The following PPM1H variants were observed in gnomAD, a reference collection of about 807,000 sequenced individuals.
PPM1H encodes the protein protein phosphatase, Mg2+/Mn2+ dependent 1H, also known as protein phosphatase 1H.
PPM1H carries 27 observed loss-of-function variants against 54.9 expected under a neutral mutation model. The observed-to-expected ratio is 0.49, with a 90% CI of 0.36 to 0.68. The LOEUF (loss-of-function observed/expected upper bound fraction) is 0.68. PPM1H is among the 30% of genes least tolerant of loss of function. The pLI, the probability that PPM1H is intolerant of heterozygous loss-of-function variation, is 0.00. For missense variants in PPM1H, 596 were observed against 667.8 expected (o/e 0.89, Z 1.19); for synonymous variants, 305 against 270.8 (o/e 1.13, Z -1.24).
chr12:62,696,128 C>CCT (rs2076113988), intron 6 of PPM1H, among the ~76,000 whole-genome samples: 1 of 152,118 alleles, frequency 6.6e-6, no homozygotes, highest in African/African-American at 2.4e-5. Flanking sequence ...TAGAGACAGG[C>CCT]GAAGAGCACT....
At chr12:62,701,071 A>C (rs1031313093) in intron 6 of PPM1H, among the ~76,000 whole-genome samples, 1 of 152,256 alleles carries the variant, frequency 6.6e-6, no homozygotes, top group African/African-American at 2.4e-5. Context: ...TATACCTACA[A>C]GAGTGCTCAA....
rs181213080 is a variant in PPM1H at position 62,870,177 on chromosome 12, C to T, written c.246-37898G>A. 8.0e-4 allele frequency among the ~76,000 whole-genome samples: 122 copies of T among 152,148 alleles called. 1 individual carries two copies. The highest frequency in any genetic ancestry group is 9.8e-4 in the Admixed American group (15 of 15,280). ...ATATGGGGAGGTATTGTGGGAGAAA[C>T]GGAGAGGAAGCAAAGCTGAGATTGG... On this transcript the variant is annotated intron_variant, in intron 1 of 9. Coordinates refer to ENST00000228705, the MANE Select transcript of PPM1H (RefSeq NM_020700.2).
chr12:62,884,191 G>A (rs1403756846), intron 1 of PPM1H, among the ~76,000 whole-genome samples: 5 of 152,026 alleles, frequency 3.3e-5, no homozygotes, highest in East Asian at 1.9e-4. Flanking sequence ...TGCTTATCAC[G>A]AAATATGAAG....
intron 4 of PPM1H, among the ~76,000 whole-genome samples, chr12:62,783,006 T>C (rs1372913669): frequency 1.3e-5 from 2 of 152,018 alleles, no homozygotes; most frequent in African/African-American, 2.4e-5. Flanking sequence ...TGTATATATA[T>C]ATTTTTGTAA....
At chr12:62,927,760 A>T (rs1186650350) in intron 1 of PPM1H, among the ~76,000 whole-genome samples, 1 of 152,140 alleles carries the variant, frequency 6.6e-6, no homozygotes, top group East Asian at 1.9e-4. Flanking sequence ...GTTATAAGAC[A>T]TGTAAACATA....
chr12:62,691,659 A>G (rs2076083374), intron 7 of PPM1H, among the ~76,000 whole-genome samples: 1 of 152,080 alleles, frequency 6.6e-6, no homozygotes, highest in Admixed American at 6.5e-5. Context: ...CCTCCTGACT[A>G]CAAAAAATAC....
chr12:62,666,739 A>C (rs1592531990), intron 9 of PPM1H, among the ~76,000 whole-genome samples: 1 of 152,104 alleles, frequency 6.6e-6, no homozygotes, highest in East Asian at 1.9e-4. Context: ...TTTGTGACAG[A>C]GGGTCGCTCT....
At chr12:62,931,844 T>C (rs1872144608) in intron 1 of PPM1H, among the ~76,000 whole-genome samples, 1 of 152,234 alleles carries the variant, frequency 6.6e-6, no homozygotes, top group South Asian at 2.1e-4. Flanking sequence ...ACCAATAGTA[T>C]ATATTTAAGA....
intron 1 of PPM1H, among the ~76,000 whole-genome samples, chr12:62,861,724 A>G (rs907315333): frequency 1.3e-5 from 2 of 152,208 alleles, no homozygotes; most frequent in African/African-American, 4.8e-5. Flanking sequence ...TCCCTTAAGC[A>G]GGGCATAGAC....
chr12:62,672,901 A>T (rs17098161), intron 8 of PPM1H, among the ~76,000 whole-genome samples: 15 of 152,158 alleles, frequency 9.9e-5, no homozygotes, highest in African/African-American at 3.6e-4. Context: ...TTCAGGACAT[A>T]CTTGCTGAGG....
At chr12:62,835,835 C>A (rs1374444482) in intron 1 of PPM1H, among the ~76,000 whole-genome samples, 1 of 152,156 alleles carries the variant, frequency 6.6e-6, no homozygotes, top group African/African-American at 2.4e-5. Flanking sequence ...TCTCATTTGG[C>A]TCTAACAAGT....
intron 6 of PPM1H, among the ~76,000 whole-genome samples, chr12:62,707,596 TAG>T (rs2076182822): frequency 6.6e-6 from 1 of 152,214 alleles, no homozygotes; most frequent in Admixed American, 6.5e-5. Flanking sequence ...GCAGAATCCA[TAG>T]AGATTCTAAT....
At chr12:62,907,798 A>T (rs970551329) in intron 1 of PPM1H, among the ~76,000 whole-genome samples, 1 of 152,158 alleles carries the variant, frequency 6.6e-6, no homozygotes, top group Non-Finnish European at 1.5e-5. Context: ...CTTCAGTTTC[A>T]GATCTGGAAA....
At position 62,644,534 on chromosome 12, in the gene PPM1H, A is replaced by G. The variant is rs2075774697; in HGVS notation, c.*3955T>C. ...AAGACACAGAAGAAAAATTAAAGCT[A>G]TTTACACAGATAACACTGTGGATTC... On this transcript the variant is annotated 3_prime_UTR_variant, in exon 10 of 10. Transcript: ENST00000228705. 2 of 152,246 alleles carry G rather than the reference A, an allele frequency of 1.3e-5. No homozygotes were observed. 9.4% of individuals were successfully genotyped at this position (152,246 alleles called of 1,614,324 possible).
At chr12:62,654,121 G>A (rs1445331417) in intron 9 of PPM1H, among the ~76,000 whole-genome samples, 1 of 148,214 alleles carries the variant, frequency 6.7e-6, no homozygotes, top group Admixed American at 6.9e-5. Flanking sequence ...TGTCGTCCCA[G>A]CTACTCGGGA....
chr12:62,926,303 C>T (rs1272884623), intron 1 of PPM1H, among the ~76,000 whole-genome samples: 1 of 152,114 alleles, frequency 6.6e-6, no homozygotes, highest in African/African-American at 2.4e-5. Flanking sequence ...TTCTATAAGA[C>T]AGTTGGTATC....
intron 4 of PPM1H, among the ~76,000 whole-genome samples, chr12:62,739,009 G>A (rs1400904849): frequency 6.6e-6 from 1 of 151,644 alleles, no homozygotes; most frequent in Non-Finnish European, 1.5e-5. Context: ...CGGAGGGGCG[G>A]GCAGCGCATC....
intron 2 of PPM1H, among the ~76,000 whole-genome samples, chr12:62,816,283 ATAT>A (rs1255072472): frequency 6.6e-6 from 1 of 152,226 alleles, no homozygotes; most frequent in Non-Finnish European, 1.5e-5. Flanking sequence ...ATAATAATAC[ATAT>A]TTATGCACAT....
intron 1 of PPM1H, among the ~76,000 whole-genome samples, chr12:62,867,564 ATTTTTTTTT>A (rs34772338): frequency 2.7e-4 from 15 of 55,372 alleles, no homozygotes; most frequent in South Asian, 9.1e-4. Context: ...TATGAGCACT[ATTTTTTTTT>A]TTTTTTTTTT....
Sources: gnomAD v4.1 joint callset for allele counts (sites outside exome capture counted in the v4.1 genomes callset) on GRCh38, gnomAD v4.1.1 for gene constraint, MANE v1.5 for transcripts, NCBI Gene and HGNC (gene_info 2026-07-23, HGNC 2026-07-21) for gene names.